Variants in WBP2NL observed in about 807,000 individuals in gnomAD.
The protein encoded by WBP2NL is WBP2 N-terminal like.
A neutral mutation model predicts 23.3 loss-of-function variants in WBP2NL; 27 were observed. That is an observed-to-expected ratio of 1.16 (90% CI 0.85 to 1.60). WBP2NL has a LOEUF of 1.60. WBP2NL is among the 40% of genes most tolerant of loss of function. The pLI, the probability that WBP2NL is intolerant of heterozygous loss-of-function variation, is 0.00. For missense variants in WBP2NL, 370 were observed against 389.5 expected (o/e 0.95, Z 0.42); for synonymous variants, 151 against 145.9 (o/e 1.03, Z -0.25).
At chr22:42,045,166 C>T (rs927876238) in intron 8 of WBP2NL, among the ~76,000 whole-genome samples, 19 of 152,134 alleles carry the variant, frequency 1.2e-4, no homozygotes, top group African/African-American at 3.6e-4. Flanking sequence ...CGGCCGGGCG[C>T]GGTGGCTCAC....
chr22:42,039,429 G>C (rs1198043084), intron 8 of WBP2NL, among the ~76,000 whole-genome samples: 1 of 149,624 alleles, frequency 6.7e-6, no homozygotes, highest in African/African-American at 2.5e-5. Context: ...TAGAGCCCAA[G>C]CAATCCTCCT....
chr22:42,049,346 TAACTC>T lies in WBP2NL; in HGVS notation c.*274-8941_*274-8937del, dbSNP rs373679241. On this transcript the variant is annotated intron_variant and NMD_transcript_variant, in intron 8 of 8. Transcript: ENST00000436265. The stretch of plus-strand genomic sequence containing the variant: ...CAGACTTTACACTTTTCATAAAAAT[TAACTC>T]AATATAGACCTAATTGTAAAACACT... Among the ~76,000 whole-genome samples the T allele has an allele frequency of 3.7e-3, 558 of 152,178 alleles. 2 individuals carry two copies. The highest frequency in any genetic ancestry group is 0.024 in the Middle Eastern group (7 of 294).
At chr22:42,021,108 C>CG (rs1317042963) in intron 4 of WBP2NL, among the ~76,000 whole-genome samples, 1 of 150,212 alleles carries the variant, frequency 6.7e-6, no homozygotes, top group Non-Finnish European at 1.5e-5. Context: ...TTAGTAGAGA[C>CG]GGGGTTTCAC....
At chr22:42,020,728 G>T in intron 4 of WBP2NL, among the ~76,000 whole-genome samples, 1 of 150,322 alleles carries the variant, frequency 6.7e-6, no homozygotes, top group Admixed American at 6.6e-5. Context: ...GCTTTTCTCA[G>T]GTTTAGTCCC....
chr22:42,016,315 C>T (rs776327581), intron 1 of WBP2NL, among the ~76,000 whole-genome samples: 6 of 151,436 alleles, frequency 4.0e-5, no homozygotes, highest in Non-Finnish European at 8.9e-5. Context: ...CCGGTAGCCT[C>T]ATCAGTCCCG....
chr22:42,010,945 C>T (rs1044357377), intron 1 of WBP2NL, among the ~76,000 whole-genome samples: 2 of 152,142 alleles, frequency 1.3e-5, no homozygotes, highest in Non-Finnish European at 2.9e-5. Flanking sequence ...ATTCATTTTC[C>T]TATGCTGAAC....
chr22:42,022,232 C>T lies in WBP2NL; in HGVS notation c.407-17C>T. 1 of 1,613,028 alleles carries T rather than the reference C, an allele frequency of 6.2e-7. No individual in the cohort carries two copies. Among genetic ancestry groups the T allele is most frequent in the Non-Finnish European group, 8.5e-7 (1 of 1,179,062 alleles). On this transcript the variant is annotated splice_polypyrimidine_tract_variant and intron_variant, in intron 4 of 5. Coordinates refer to ENST00000328823, the MANE Select transcript of WBP2NL (RefSeq NM_152613.3). ...TTAATTAAAAGAGTTCCTATTTTGCCAAATTTGTCTTTCCAGCTGCCCGAG... is the reference window on the plus strand; with the variant it reads ...TTAATTAAAAGAGTTCCTATTTTGCTAAATTTGTCTTTCCAGCTGCCCGAG...
chr22:42,013,556 G>A (rs958640911), intron 1 of WBP2NL, among the ~76,000 whole-genome samples: 2 of 152,092 alleles, frequency 1.3e-5, no homozygotes, highest in Admixed American at 1.3e-4. Flanking sequence ...TCTACTTGGA[G>A]TTTGTTGCAC....
chr22:42,057,814 T>C (rs927464160), intron 8 of WBP2NL, among the ~76,000 whole-genome samples: 1 of 129,416 alleles, frequency 7.7e-6, no homozygotes, highest in African/African-American at 2.8e-5. Flanking sequence ...GATAGGAAAA[T>C]TGTATTAAGG....
chr22:42,018,783 A>T (rs1923585786), intron 1 of WBP2NL, among the ~76,000 whole-genome samples: 1 of 152,214 alleles, frequency 6.6e-6, no homozygotes, highest in Non-Finnish European at 1.5e-5. Context: ...GAATCCAATG[A>T]TGAAGAGGGA....
intron 8 of WBP2NL, among the ~76,000 whole-genome samples, chr22:42,050,123 C>T (rs1261572485): frequency 6.6e-6 from 1 of 151,896 alleles, no homozygotes; most frequent in Non-Finnish European, 1.5e-5. Context: ...TAAGACCAGT[C>T]TGGGCAACAT....
intron 1 of WBP2NL, among the ~76,000 whole-genome samples, chr22:42,008,121 G>GCTTTGCTTTC (rs1569446628): frequency 1.5e-4 from 8 of 53,852 alleles, no homozygotes; most frequent in South Asian, 6.8e-4. Context: ...CCTTTCCTTT[G>GCTTTGCTTTC]CTTTCCTTTC....
chr22:42,039,573 T>C (rs1925324769), intron 8 of WBP2NL, among the ~76,000 whole-genome samples: 1 of 152,168 alleles, frequency 6.6e-6, no homozygotes, highest in African/African-American at 2.4e-5. Context: ...GATTCGGTCT[T>C]GGTAGTGTGT....
intron 4 of WBP2NL, among the ~76,000 whole-genome samples, chr22:42,021,501 CTAGAT>C (rs1398888294): frequency 6.6e-6 from 1 of 152,150 alleles, no homozygotes; most frequent in Non-Finnish European, 1.5e-5. Context: ...CAAGATTACC[CTAGAT>C]TATTTAGGTG....
intron 8 of WBP2NL, among the ~76,000 whole-genome samples, chr22:42,057,416 G>T (rs951494480): frequency 6.6e-6 from 1 of 151,926 alleles, no homozygotes; most frequent in Non-Finnish European, 1.5e-5. Flanking sequence ...TTCTGTTTGG[G>T]CATCATTCTT....
intron 1 of WBP2NL, among the ~76,000 whole-genome samples, chr22:42,008,954 A>G (rs558821842): frequency 1.6e-3 from 249 of 151,512 alleles, no homozygotes; most frequent in Non-Finnish European, 3.2e-3. Flanking sequence ...AATTTTTTCT[A>G]TTTTTTAGTA....
chr22:42,009,254 A>G (rs766967491), intron 1 of WBP2NL, among the ~76,000 whole-genome samples: 1 of 152,206 alleles, frequency 6.6e-6, no homozygotes, highest in Non-Finnish European at 1.5e-5. Context: ...ATTTTCTCCC[A>G]TTCCATAGGT....
intron 1 of WBP2NL, 72 bp downstream of exon 1, chr22:41,998,952 C>G (rs1602430096): frequency 6.6e-7 from 1 of 1,514,640 alleles, no homozygotes; most frequent in Admixed American, 2.0e-5. Flanking sequence ...GGCTCGCAAA[C>G]TCTCAGCGAG....
chr22:42,050,499 T>G (rs1214108924), intron 8 of WBP2NL, among the ~76,000 whole-genome samples: 1 of 151,824 alleles, frequency 6.6e-6, no homozygotes, highest in Non-Finnish European at 1.5e-5. Flanking sequence ...TATATAAAAA[T>G]TAGCTGGGTG....
Sources: gnomAD v4.1 joint callset for allele counts (sites outside exome capture counted in the v4.1 genomes callset) on GRCh38, gnomAD v4.1.1 for gene constraint, MANE v1.5 for transcripts, NCBI Gene and HGNC (gene_info 2026-07-23, HGNC 2026-07-21) for gene names.